The following GRID2 variants were observed in gnomAD, a reference collection of about 807,000 sequenced individuals.
GRID2 encodes the protein glutamate ionotropic receptor delta type subunit 2, also known as glutamate receptor ionotropic, delta-2.
In GRID2, 33 loss-of-function variants were observed where a neutral mutation model predicts 114.8. The observed-to-expected ratio is 0.29, with a 90% CI of 0.22 to 0.38. The LOEUF (loss-of-function observed/expected upper bound fraction) is 0.38. Among genes scored for constraint, GRID2 ranks in the 10% least tolerant of loss-of-function variants. The pLI is 1.00. For missense variants in GRID2, 1,184 were observed against 1,257.7 expected, an observed-to-expected ratio of 0.94 and a Z score of 0.89; for synonymous variants, 505 against 449.9, an observed-to-expected ratio of 1.12 and a Z score of -1.55.
At chr4:92,752,704 G>T (rs1046763538) in intron 2 of GRID2, among the ~76,000 whole-genome samples, 2 of 152,064 alleles carry the variant, frequency 1.3e-5, no homozygotes, top group African/African-American at 4.8e-5. Context: ...GTAGCTAATA[G>T]GATACTTGTG....
chr4:93,477,227 G>A (rs990630389), intron 11 of GRID2, among the ~76,000 whole-genome samples: 11 of 152,044 alleles, frequency 7.2e-5, no homozygotes, highest in African/African-American at 1.9e-4. Flanking sequence ...TTGTGACAAT[G>A]AGCCTGCTCC....
At chr4:93,383,054 G>T (rs1183563203) in intron 8 of GRID2, among the ~76,000 whole-genome samples, 4 of 152,016 alleles carry the variant, frequency 2.6e-5, no homozygotes, top group Non-Finnish European at 4.4e-5. Flanking sequence ...AATTTCCCGT[G>T]TGTATGTGGT....
chr4:92,693,779 T>C (rs1734297309), intron 2 of GRID2, among the ~76,000 whole-genome samples: 1 of 152,256 alleles, frequency 6.6e-6, no homozygotes, highest in Non-Finnish European at 1.5e-5. Context: ...ACTTAAATTA[T>C]AGTTATTAAA....
At chr4:92,997,915 A>G (rs1246617373) in intron 2 of GRID2, among the ~76,000 whole-genome samples, 1 of 152,106 alleles carries the variant, frequency 6.6e-6, no homozygotes, top group Non-Finnish European at 1.5e-5. Flanking sequence ...TGTATTTATT[A>G]CTCACATATC....
At chr4:93,220,199 G>A (rs1262528963) in intron 6 of GRID2, among the ~76,000 whole-genome samples, 2 of 151,846 alleles carry the variant, frequency 1.3e-5, no homozygotes, top group Non-Finnish European at 2.9e-5. Flanking sequence ...AGACAACAGG[G>A]CTTCCTTAAA....
At chr4:93,425,188 G>A (rs149390097) in intron 10 of GRID2, among the ~76,000 whole-genome samples, 193 of 152,068 alleles carry the variant, frequency 1.3e-3, no homozygotes, top group Non-Finnish European at 2.2e-3. Flanking sequence ...CACATTTCTG[G>A]TTACATTTGA....
In GRID2 at chr4:93,209,592, T is replaced by C. The variant is rs949508376; in HGVS notation, c.789+2135T>C. Among the ~76,000 whole-genome samples, 6 of 152,270 alleles carry C rather than the reference T, an allele frequency of 3.9e-5. No homozygotes were observed. In the South Asian group the frequency reaches 1.2e-3, roughly 31 times the overall value. ...TGTGTCTTTATGATAAAACAATTTA[T>C]ATTCATTTGGGTATATACCCAGTAA... On this transcript the variant is annotated intron_variant, in intron 5 of 15. Coordinates refer to ENST00000282020, the MANE Select transcript of GRID2 (RefSeq NM_001510.4).
chr4:92,411,661 A>G lies in GRID2; in HGVS notation c.88+106917A>G, dbSNP rs1336235920. 2.9e-3 allele frequency among the ~76,000 whole-genome samples: 387 copies of G among 131,874 alleles called. 8 individuals carry two copies. The highest frequency in any genetic ancestry group is 0.012 in the African/African-American group (373 of 31,740). The allele number at this position is 131,874 out of a possible 152,430, so 86.5% of individuals were successfully genotyped here. A position where few individuals can be genotyped will look rare whatever the true frequency, so the allele number is the denominator to read the frequency against. The stretch of plus-strand genomic sequence containing the variant: ...TGTGTGTGTGTGTGTGTGTGTATAT[A>G]TATATATATATATATATGAAATATA... On this transcript the variant is annotated intron_variant, in intron 1 of 15. Transcript: ENST00000282020.
At chr4:93,440,879 T>C (rs1285239642) in intron 10 of GRID2, among the ~76,000 whole-genome samples, 1 of 152,002 alleles carries the variant, frequency 6.6e-6, no homozygotes, top group African/African-American at 2.4e-5. Flanking sequence ...GCCTAATAGA[T>C]GGCAAGCGCA....
intron 2 of GRID2, among the ~76,000 whole-genome samples, chr4:92,697,128 C>A (rs1048413222): frequency 2.0e-5 from 3 of 152,102 alleles, no homozygotes; most frequent in African/African-American, 7.2e-5. Flanking sequence ...TCCTCCTTGC[C>A]AGTTTATTTT....
intron 2 of GRID2, among the ~76,000 whole-genome samples, chr4:92,989,309 T>TA (rs1420620354): frequency 8.8e-4 from 121 of 136,944 alleles, no homozygotes; most frequent in African/African-American, 3.2e-3. Flanking sequence ...AAAATAATAA[T>TA]AATAATCCCA....
rs1251229055 is a variant in GRID2 at position 92,577,834 on chromosome 4, A to G, written c.89-12297A>G. Among the ~76,000 whole-genome samples, 4 of 152,220 alleles carry G rather than the reference A, an allele frequency of 2.6e-5. No homozygotes were observed. The East Asian group carries it at 5.8e-4, about 22-fold the overall frequency. Reference sequence around the variant, plus strand: ...TGTAAAGGTATGGTGGGCTTTTGTCAAAGGAAAAACAATATAAAGAAAATG... The same window carrying G: ...TGTAAAGGTATGGTGGGCTTTTGTCGAAGGAAAAACAATATAAAGAAAATG... On this transcript the variant is annotated intron_variant, in intron 1 of 15. Coordinates refer to ENST00000282020, the MANE Select transcript of GRID2 (RefSeq NM_001510.4).
chr4:92,926,574 G>C (rs1163278738), intron 2 of GRID2, among the ~76,000 whole-genome samples: 1 of 151,938 alleles, frequency 6.6e-6, no homozygotes, highest in Non-Finnish European at 1.5e-5. Flanking sequence ...CTGAAAAAGA[G>C]TCTATTGAAT....
At chr4:92,990,747 G>C (rs1043644759) in intron 2 of GRID2, among the ~76,000 whole-genome samples, 1 of 151,948 alleles carries the variant, frequency 6.6e-6, no homozygotes, top group Non-Finnish European at 1.5e-5. Context: ...CAGACACAGA[G>C]ACCTAAATGA....
intron 1 of GRID2, among the ~76,000 whole-genome samples, chr4:92,337,326 AT>A (rs1727240191): frequency 6.6e-6 from 1 of 152,156 alleles, no homozygotes; most frequent in Non-Finnish European, 1.5e-5. Context: ...TATAAATAAT[AT>A]TGCGATGAGT....
At chr4:92,777,716 C>T (rs1738878251) in intron 2 of GRID2, among the ~76,000 whole-genome samples, 1 of 143,102 alleles carries the variant, frequency 7.0e-6, no homozygotes, top group South Asian at 2.2e-4. Flanking sequence ...GGAAGAGATA[C>T]TAGGAATGCA....
At chr4:93,317,492 C>G (rs1000115650) in intron 8 of GRID2, among the ~76,000 whole-genome samples, 1 of 151,930 alleles carries the variant, frequency 6.6e-6, no homozygotes, top group Non-Finnish European at 1.5e-5. Flanking sequence ...TAGAAGAGAA[C>G]GTTATGATTT....
intron 13 of GRID2, among the ~76,000 whole-genome samples, chr4:93,516,802 G>A (rs1242526880): frequency 1.3e-5 from 2 of 152,020 alleles, no homozygotes; most frequent in African/African-American, 4.8e-5. Context: ...CTTTGAGGAT[G>A]AGTTATTTTC....
chr4:92,906,274 C>A (rs1005330859), intron 2 of GRID2, among the ~76,000 whole-genome samples: 3 of 152,134 alleles, frequency 2.0e-5, no homozygotes, highest in Non-Finnish European at 4.4e-5. Context: ...TAATTAAAGA[C>A]AATATTGCCA....
Sources: allele counts gnomAD v4.1 joint callset (sites outside exome capture counted in the v4.1 genomes callset), GRCh38; gene constraint gnomAD v4.1.1; transcripts MANE v1.5; gene names NCBI Gene and HGNC (gene_info 2026-07-23, HGNC 2026-07-21).